The following DCHS2 variants were observed in gnomAD, a reference collection of about 807,000 sequenced individuals.
DCHS2 encodes the protein dachsous cadherin-related 2.
DCHS2 carries 142 observed loss-of-function variants against 182.4 expected under a neutral mutation model. The observed-to-expected ratio is 0.78, with a 90% confidence interval of 0.68 to 0.89. The LOEUF is 0.89. Ranked by LOEUF, DCHS2 falls within the 40% of genes least tolerant of loss-of-function variation. The pLI, the probability that DCHS2 is intolerant of heterozygous loss-of-function variation, is 0.00. For synonymous variants in DCHS2, 1,740 were observed against 1,663.3 expected (o/e 1.05, Z -1.12); for missense variants, 4,319 against 4,198.6 (o/e 1.03, Z -0.79).
At chr4:154,262,643 A>G (rs1374061154) in intron 14 of DCHS2, among the ~76,000 whole-genome samples, 2 of 152,214 alleles carry the variant, frequency 1.3e-5, no homozygotes, top group East Asian at 3.8e-4. Flanking sequence ...AAGATTCATC[A>G]AATGCTACAT....
intron 7 of DCHS2, chr4:154,323,139 T>C: frequency 6.8e-7 from 1 of 1,475,374 alleles, no homozygotes; most frequent in Non-Finnish European, 9.1e-7. Context: ...TTTTCCATGA[T>C]CTAGATTTGC....
chr4:154,290,367 C>A (rs983565583), intron 13 of DCHS2, among the ~76,000 whole-genome samples: 1 of 152,070 alleles, frequency 6.6e-6, no homozygotes, highest in African/African-American at 2.4e-5. Context: ...TCCATACTAT[C>A]AAAAGCAACC....
rs559629777 is a variant in DCHS2 at position 154,345,139 on chromosome 4, G to A, written c.2477-10035C>T. 3.3e-5 allele frequency among the ~76,000 whole-genome samples: 5 copies of A among 152,328 alleles called. No individual in the cohort carries two copies. The East Asian group carries it at 7.7e-4, about 24-fold the overall frequency. On this transcript the variant is annotated intron_variant, in intron 3 of 19. Transcript: ENST00000357232. ...TTGGGGCATCAGTCCCCGTCTGGCT[G>A]TGCCTTCTCCCAAGATGTCTAGGTC...
intron 1 of DCHS2, among the ~76,000 whole-genome samples, chr4:154,456,777 G>C (rs561308010): frequency 2.0e-5 from 3 of 152,254 alleles, no homozygotes; most frequent in African/African-American, 4.8e-5. Flanking sequence ...GTTAGTAGAT[G>C]AACTTGTTGA....
chr4:154,287,096 C>A (rs927351553), intron 13 of DCHS2, among the ~76,000 whole-genome samples: 1 of 152,084 alleles, frequency 6.6e-6, no homozygotes, highest in African/African-American at 2.4e-5. Context: ...CCTAGAATAC[C>A]ATACTCAGTG....
intron 13 of DCHS2, among the ~76,000 whole-genome samples, chr4:154,295,295 A>G (rs746280607): frequency 2.0e-5 from 3 of 152,250 alleles, no homozygotes; most frequent in Non-Finnish European, 4.4e-5. Flanking sequence ...TCAAATGATT[A>G]AATTCCATAC....
chr4:154,237,172 A>T lies in DCHS2; in HGVS notation c.7493-13T>A. On this transcript the variant is annotated splice_polypyrimidine_tract_variant and intron_variant, in intron 19 of 19. Coordinates refer to ENST00000357232, the MANE Select transcript of DCHS2 (RefSeq NM_001358235.2). ...GTAAATATTGTGCCTGAAAAATAAG[A>T]CATAGTATTTCAACACTGTGAGGTG... The T allele has an allele frequency of 6.3e-7, 1 of 1,595,114 alleles. No individual in the cohort carries two copies. Among genetic ancestry groups the T allele is most frequent in the Non-Finnish European group, 8.5e-7 (1 of 1,173,280 alleles).
chr4:154,329,481 A>G (rs1412273800), intron 6 of DCHS2, 42 bp downstream of exon 6: 1 of 1,574,342 alleles, frequency 6.4e-7, no homozygotes, highest in Non-Finnish European at 8.7e-7. Flanking sequence ...AAAACAAATG[A>G]CTTAAGATAT....
At chr4:154,434,021 A>G (rs1733671851) in intron 1 of DCHS2, among the ~76,000 whole-genome samples, 1 of 152,372 alleles carries the variant, frequency 6.6e-6, no homozygotes, top group Non-Finnish European at 1.5e-5. Flanking sequence ...ATAGATGAAG[A>G]TAGTCAATCC....
chr4:154,237,073 G>C lies in DCHS2; in HGVS notation c.7579C>G (p.Pro2527Ala). 1 of 1,613,856 alleles carries C rather than the reference G, an allele frequency of 6.2e-7. No individual in the cohort carries two copies. Among genetic ancestry groups the C allele is most frequent in the South Asian group, 1.1e-5 (1 of 91,068 alleles). The change falls in exon 20 of 20, where the codon CCT (proline) becomes GCT (alanine). Residue 2527 changes from proline (P) to alanine (A), a missense_variant. Physicochemically the swap from Pro to Ala is conservative, Grantham distance 27 (BLOSUM62 -1). Coordinates refer to ENST00000357232, the MANE Select transcript of DCHS2 (RefSeq NM_001358235.2). Reference protein sequence around the residue: ...FLVEASDGGNPDLRALTLVEI... With the variant: ...FLVEASDGGNADLRALTLVEI... ...ACTAAAGTAAGAGCTCTCAGGTCAG[G>C]ATTTCCACCATCACTGGCTTCCACA...
At chr4:154,307,520 C>T (rs1479747351) in intron 10 of DCHS2, among the ~76,000 whole-genome samples, 8 of 152,234 alleles carry the variant, frequency 5.3e-5, no homozygotes, top group Non-Finnish European at 1.2e-4. Flanking sequence ...CTTAATCCTC[C>T]GGCTCTAGGA....
chr4:154,405,638 C>G (rs999665553), intron 1 of DCHS2, among the ~76,000 whole-genome samples: 1 of 152,022 alleles, frequency 6.6e-6, no homozygotes, highest in African/African-American at 2.4e-5. Context: ...CTTTTCATTT[C>G]TGAATTTCCT....
chr4:154,281,017 A>G (rs1248148136), intron 13 of DCHS2, among the ~76,000 whole-genome samples: 7 of 151,974 alleles, frequency 4.6e-5, no homozygotes, highest in Admixed American at 2.0e-4. Flanking sequence ...TGTGGAGACA[A>G]TGTTTCACCA....
chr4:154,471,096 T>C (rs1420481927), intron 1 of DCHS2, among the ~76,000 whole-genome samples: 1 of 152,180 alleles, frequency 6.6e-6, no homozygotes, highest in Non-Finnish European at 1.5e-5. Context: ...GAATTTCACA[T>C]CCTTTATTTC....
chr4:154,353,646 A>G (rs1729721678), intron 3 of DCHS2, among the ~76,000 whole-genome samples: 1 of 152,160 alleles, frequency 6.6e-6, no homozygotes, highest in South Asian at 2.1e-4. Context: ...GCCTTCCTTA[A>G]CAATCCCTTG....
Position 154,489,785 on chromosome 4 carries a change from G to T in DCHS2, c.1571C>A (p.Thr524Lys). 6.4e-7 allele frequency: 1 copy of T among 1,551,634 alleles called. No individual in the cohort carries two copies. Among genetic ancestry groups the T allele is most frequent in the South Asian group, 1.2e-5 (1 of 84,060 alleles). The stretch of plus-strand genomic sequence containing the variant: ...GAGGTCAGCGACCCGGAGTAGCAGC[G>T]TCTCCTCCGTGCTCAGCGGCGGGGA... ...AGSPPLSTEE[T>K]LLLRVADLND... The change falls in exon 1 of 20, where the codon ACG becomes AAG. Residue 524 changes from threonine (T) to lysine (K), a missense_variant. Coordinates refer to ENST00000357232, the MANE Select transcript of DCHS2 (RefSeq NM_001358235.2).
intron 3 of DCHS2, among the ~76,000 whole-genome samples, chr4:154,335,408 C>T (rs1728749459): frequency 6.6e-6 from 1 of 152,206 alleles, no homozygotes; most frequent in Non-Finnish European, 1.5e-5. Flanking sequence ...GAGAATGGCT[C>T]CTGCTCCCAA....
chr4:154,255,716 A>G (rs1230638681), intron 15 of DCHS2, 46 bp from the exon 16 acceptor site: 4 of 1,580,794 alleles, frequency 2.5e-6, no homozygotes, highest in Admixed American at 1.8e-5. Flanking sequence ...ATTCTGCAAT[A>G]TGGGTTCAGT....
intron 2 of DCHS2, among the ~76,000 whole-genome samples, chr4:154,372,321 T>C (rs1218423257): frequency 1.3e-5 from 2 of 152,128 alleles, no homozygotes; most frequent in Admixed American, 1.3e-4. Flanking sequence ...AAAATGAAAA[T>C]GAATGTGCCT....
Sources: allele counts gnomAD v4.1 joint callset (sites outside exome capture counted in the v4.1 genomes callset), GRCh38; gene constraint gnomAD v4.1.1; transcripts MANE v1.5; gene names NCBI Gene and HGNC (gene_info 2026-07-23, HGNC 2026-07-21).